TUSC3: variants seen among roughly 807,000 people sequenced by gnomAD.
The protein encoded by TUSC3 is tumor suppressor candidate 3, also known as dolichyl-diphosphooligosaccharide--protein glycosyltransferase subunit TUSC3.
Under a neutral mutation model 44.8 loss-of-function variants are expected in TUSC3, and 45 were observed. The ratio of observed to expected loss-of-function variants is 1.00; its 90% CI spans 0.79 to 1.29. The LOEUF is 1.29. Among genes scored for constraint, TUSC3 ranks in the 50% most tolerant of loss-of-function variants. The pLI is 0.00. For missense variants in TUSC3, 519 were observed against 437.9 expected (o/e 1.19, Z -1.65); for synonymous variants, 212 against 152.9 (o/e 1.39, Z -2.85).
chr8:15,711,484 G>GTGTT (rs1809849973), intron 6 of TUSC3, among the ~76,000 whole-genome samples: 1 of 149,994 alleles, frequency 6.7e-6, no homozygotes, highest in Admixed American at 6.7e-5. Flanking sequence ...GTGTGTGTGT[G>GTGTT]TGTGTGTGTG....
intron 6 of TUSC3, among the ~76,000 whole-genome samples, chr8:15,681,653 C>A (rs1403146889): frequency 6.7e-6 from 1 of 149,782 alleles, no homozygotes; most frequent in African/African-American, 2.5e-5. Flanking sequence ...ATATGGATTT[C>A]TGGGCTTCAA....
chr8:15,846,672 G>A, the TUSC3 span, among the ~76,000 whole-genome samples: 1 of 152,010 alleles, frequency 6.6e-6, no homozygotes, highest in Non-Finnish European at 1.5e-5. Flanking sequence ...TGAACAATGA[G>A]AACACATGGA....
chr8:15,594,248 T>C (rs1563123905), intron 1 of TUSC3, among the ~76,000 whole-genome samples: 1 of 152,184 alleles, frequency 6.6e-6, no homozygotes, highest in Non-Finnish European at 1.5e-5. Flanking sequence ...ATTTCACGTG[T>C]TGTAGTTTTC....
chr8:15,846,136 G>A, the TUSC3 span, among the ~76,000 whole-genome samples: 554 of 152,264 alleles, frequency 3.6e-3, 4 homozygotes, highest in African/African-American at 0.012. Context: ...CAACATGTGG[G>A]AATTCTGGGA....
chr8:15,456,595 T>G (rs1800259489), intron 1 of TUSC3, among the ~76,000 whole-genome samples: 1 of 152,162 alleles, frequency 6.6e-6, no homozygotes, highest in Non-Finnish European at 1.5e-5. Flanking sequence ...CCTAGAAATA[T>G]TCATTCACTT....
chr8:15,849,185 C>T, the TUSC3 span, among the ~76,000 whole-genome samples: 4 of 152,194 alleles, frequency 2.6e-5, no homozygotes, highest in African/African-American at 9.6e-5. Flanking sequence ...TATAATGTAA[C>T]GTATTCCACT....
intron 2 of TUSC3, among the ~76,000 whole-genome samples, chr8:15,523,696 G>GTATATATATATA (rs1563273674): frequency 1.4e-4 from 7 of 48,582 alleles, no homozygotes; most frequent in South Asian, 5.6e-4. Flanking sequence ...GTGTGTGTGT[G>GTATATATATATA]TGTGTGTGTG....
chr8:15,585,847 C>T (rs1306477415), intron 1 of TUSC3, among the ~76,000 whole-genome samples: 2 of 152,134 alleles, frequency 1.3e-5, no homozygotes, highest in Admixed American at 1.3e-4. Context: ...CCTGCGTGAG[C>T]GTGACCGGGT....
At chr8:15,476,106 C>A (rs545270069) in intron 1 of TUSC3, among the ~76,000 whole-genome samples, 11 of 152,266 alleles carry the variant, frequency 7.2e-5, no homozygotes, top group African/African-American at 1.9e-4. Context: ...CAATAAAGTG[C>A]AGCCTGTACC....
At chr8:15,778,374 A>G in the TUSC3 span, among the ~76,000 whole-genome samples, 4 of 152,154 alleles carry the variant, frequency 2.6e-5, no homozygotes, top group Non-Finnish European at 2.9e-5. Context: ...CAAAACAGAA[A>G]TCTCTGGGCT....
chr8:15,543,964 C>T (rs971635898), intron 1 of TUSC3, among the ~76,000 whole-genome samples: 3 of 151,752 alleles, frequency 2.0e-5, no homozygotes, highest in African/African-American at 7.3e-5. Flanking sequence ...TGTACACATA[C>T]ACATATGCTT....
At chr8:15,536,294 C>T (rs1026161605), upstream of TUSC3, among the ~76,000 whole-genome samples, 1 of 152,192 alleles carries the variant, frequency 6.6e-6, no homozygotes, top group East Asian at 1.9e-4. Flanking sequence ...GTCCTGAGGG[C>T]ATGGAAGATT....
At chr8:15,620,189 G>A (rs981099190) in intron 1 of TUSC3, among the ~76,000 whole-genome samples, 2 of 152,274 alleles carry the variant, frequency 1.3e-5, no homozygotes, top group African/African-American at 4.8e-5. Context: ...TCTGTTGAGG[G>A]TATAGTGAAT....
chr8:15,629,704 T>G (rs1335450466), intron 2 of TUSC3, among the ~76,000 whole-genome samples: 1 of 150,828 alleles, frequency 6.6e-6, no homozygotes, highest in South Asian at 2.1e-4. Context: ...CGTAGTACTT[T>G]CCTTTGTGAG....
intron 6 of TUSC3, among the ~76,000 whole-genome samples, chr8:15,678,300 G>A (rs1220327099): frequency 1.3e-5 from 2 of 152,166 alleles, no homozygotes; most frequent in Non-Finnish European, 2.9e-5. Context: ...GCTGGTGGTG[G>A]AAGTCAGGCT....
At chr8:15,724,820 G>A (rs1273799515) in intron 6 of TUSC3, among the ~76,000 whole-genome samples, 2 of 152,122 alleles carry the variant, frequency 1.3e-5, no homozygotes, top group East Asian at 1.9e-4. Flanking sequence ...ATACTGATTT[G>A]CATAAAACTG....
At chr8:15,616,991 C>G (rs571528980) in intron 1 of TUSC3, among the ~76,000 whole-genome samples, 1 of 152,116 alleles carries the variant, frequency 6.6e-6, no homozygotes, top group Non-Finnish European at 1.5e-5. Context: ...TTGCTGGCCA[C>G]AGAGATTTCC....
At chr8:15,758,830 G>C (rs1812046246) in intron 10 of TUSC3, among the ~76,000 whole-genome samples, 1 of 152,118 alleles carries the variant, frequency 6.6e-6, no homozygotes, top group Admixed American at 6.5e-5. Context: ...AGCACTAGGA[G>C]ACTGGACTGC....
At chr8:15,467,447 C>G (rs1375157747) in intron 1 of TUSC3, among the ~76,000 whole-genome samples, 1 of 152,062 alleles carries the variant, frequency 6.6e-6, no homozygotes, top group Non-Finnish European at 1.5e-5. Flanking sequence ...TACATACTGC[C>G]TTAGAGTATA....
Sources: allele counts gnomAD v4.1 joint callset (sites outside exome capture counted in the v4.1 genomes callset), GRCh38; gene constraint gnomAD v4.1.1; transcripts MANE v1.5; gene names NCBI Gene and HGNC (gene_info 2026-07-23, HGNC 2026-07-21).